BICDL1: variants seen among roughly 807,000 people sequenced by gnomAD.
The protein encoded by BICDL1 is BICD family-like cargo adapter 1.
In BICDL1, 20 loss-of-function variants were observed where a neutral mutation model predicts 76.8. The observed-to-expected ratio is 0.26, with a 90% CI of 0.18 to 0.38. BICDL1 has a LOEUF of 0.38. Ranked by LOEUF, BICDL1 falls within the 10% of genes least tolerant of loss-of-function variation. The probability of loss-of-function intolerance (pLI) is 1.00; values close to 1 mark genes in which losing one functional copy is unlikely to be tolerated. For missense variants in BICDL1, 700 were observed against 798.6 expected (o/e 0.88, Z 1.49); for synonymous variants, 383 against 337.1 (o/e 1.14, Z -1.49).
chr12:120,077,730 T>G (rs1357562665), intron 7 of BICDL1, among the ~76,000 whole-genome samples: 1 of 152,152 alleles, frequency 6.6e-6, no homozygotes, highest in Non-Finnish European at 1.5e-5. Flanking sequence ...CTGCCCTATT[T>G]CAAGACCTGC....
chr12:120,072,868 G>A (rs1309723608), intron 6 of BICDL1, 139 bp downstream of exon 6: 3 of 771,720 alleles, frequency 3.9e-6, no homozygotes, highest in South Asian at 1.8e-5. Context: ...GCCCTTATTG[G>A]TTGTTTTGGA....
intron 9 of BICDL1, chr12:120,091,556 T>C: frequency 1.0e-6 from 1 of 984,824 alleles, no homozygotes; most frequent in Non-Finnish European, 1.2e-6. Flanking sequence ...CAGTGCCAGC[T>C]CTGAGGGGCA....
intron 7 of BICDL1, among the ~76,000 whole-genome samples, chr12:120,077,477 A>G (rs1873641765): frequency 7.1e-6 from 1 of 140,166 alleles, no homozygotes; most frequent in Non-Finnish European, 1.6e-5. Context: ...TGAACACGTT[A>G]TCGGTGAGGC....
chr12:120,064,503 C>T, intron 3 of BICDL1: 1 of 287,778 alleles, frequency 3.5e-6, no homozygotes, highest in South Asian at 1.0e-4. Flanking sequence ...ATCCCACATT[C>T]CAGCTTCCCC....
chr12:120,000,565 A>G (rs1951738952), intron 2 of BICDL1: 1 of 152,362 alleles, frequency 6.6e-6, no homozygotes, highest in African/African-American at 2.4e-5. Flanking sequence ...GACTTATAGA[A>G]TGAATGCAAC....
intron 2 of BICDL1, among the ~76,000 whole-genome samples, chr12:120,058,323 T>C (rs1478648683): frequency 6.6e-6 from 1 of 152,158 alleles, no homozygotes; most frequent in Admixed American, 6.5e-5. Flanking sequence ...TCTAAGAAGA[T>C]CGCTTTGAGA....
At position 120,071,722 on chromosome 12, in the gene BICDL1, C is replaced by T; in HGVS notation, c.1010C>T (p.Ser337Phe). The change falls in exon 5 of 10, where the codon TCT becomes TTT. Residue 337 changes from serine (S) to phenylalanine (F), a missense_variant. Around this residue, in one of 3 missense-constraint regions of BICDL1, gnomAD observed 455 missense variants for 548.7 expected, o/e 0.83. Transcript: ENST00000548673. The surrounding 1 kb of genome is among the most constrained non-coding windows in gnomAD (Gnocchi z 4.8). ...ACTGAGGAGAGGAGTCTGCAGAGCTCTGCCGCCACCAGCACATCCCTCCTG... is the reference window on the plus strand; with the variant it reads ...ACTGAGGAGAGGAGTCTGCAGAGCTTTGCCGCCACCAGCACATCCCTCCTG... ...ELTEERSLQSSAATSTSLLSE... is the reference protein window; with the variant it reads ...ELTEERSLQSFAATSTSLLSE... 6.2e-7 allele frequency: 1 copy of T among 1,612,458 alleles called. No individual in the cohort carries two copies. The highest frequency in any genetic ancestry group is 8.5e-7 in the Non-Finnish European group (1 of 1,179,886).
chr12:120,006,017 A>G (rs886149442), intron 2 of BICDL1, among the ~76,000 whole-genome samples: 8 of 152,206 alleles, frequency 5.3e-5, no homozygotes, highest in African/African-American at 1.2e-4. Flanking sequence ...TTAATAGTCT[A>G]TACTCTCCTC....
intron 7 of BICDL1, among the ~76,000 whole-genome samples, chr12:120,078,998 G>C (rs1344924630): frequency 6.6e-6 from 1 of 152,214 alleles, no homozygotes; most frequent in Non-Finnish European, 1.5e-5. Context: ...CTCTGCCCTG[G>C]TGCCTTGTCT....
intron 4 of BICDL1, among the ~76,000 whole-genome samples, chr12:120,070,949 C>T (rs754297113): frequency 1.3e-5 from 2 of 151,846 alleles, no homozygotes; most frequent in Non-Finnish European, 2.9e-5. Flanking sequence ...AGGCTGGTCT[C>T]GAACTCCTGA....
intron 2 of BICDL1, among the ~76,000 whole-genome samples, chr12:120,041,636 G>T (rs1457143423): frequency 6.6e-6 from 1 of 152,166 alleles, no homozygotes; most frequent in African/African-American, 2.4e-5. Context: ...GCACAGGTAG[G>T]GTTAGGGTGA....
chr12:120,033,524 C>G (rs75239820), intron 2 of BICDL1, among the ~76,000 whole-genome samples: 2,037 of 151,544 alleles, frequency 0.013, 44 homozygotes, highest in East Asian at 0.044. Flanking sequence ...CTACAGGCGC[C>G]CGCCTCCACG....
intron 1 of BICDL1, among the ~76,000 whole-genome samples, chr12:119,990,857 C>T (rs1288182713): frequency 2.0e-5 from 3 of 152,200 alleles, no homozygotes; most frequent in Non-Finnish European, 4.4e-5. Context: ...CGAGCCAGGG[C>T]TCAACATGTG....
chr12:120,069,501 C>T (rs909597227), intron 4 of BICDL1, among the ~76,000 whole-genome samples: 5 of 152,180 alleles, frequency 3.3e-5, no homozygotes, highest in Non-Finnish European at 7.4e-5. Flanking sequence ...GAGTCCAGTT[C>T]TGCTTCACAA....
At chr12:119,997,622 T>C (rs1951677234) in intron 1 of BICDL1, among the ~76,000 whole-genome samples, 1 of 152,190 alleles carries the variant, frequency 6.6e-6, no homozygotes, top group Non-Finnish European at 1.5e-5. Context: ...TCAACTGACT[T>C]AGACAGTCCC....
intron 9 of BICDL1, chr12:120,092,088 G>A (rs1252434463): frequency 2.0e-6 from 2 of 985,328 alleles, no homozygotes; most frequent in East Asian, 1.1e-4. Flanking sequence ...TAATTACACA[G>A]GCTGCTCATA....
intron 2 of BICDL1, among the ~76,000 whole-genome samples, chr12:120,045,917 T>TAATAATA: frequency 7.3e-6 from 1 of 137,700 alleles, no homozygotes; most frequent in African/African-American, 2.7e-5. Flanking sequence ...CTTAAAGTAT[T>TAATAATA]ATAATAATAA....
intron 3 of BICDL1, 70 bp from the exon 4 acceptor site, chr12:120,064,663 T>C (rs1372732944): frequency 2.7e-6 from 4 of 1,476,202 alleles, no homozygotes; most frequent in Non-Finnish European, 3.6e-6. Flanking sequence ...GTTTTGGGGC[T>C]AGTCCCTAGT....
chr12:120,010,941 A>G (rs770650560), intron 2 of BICDL1, among the ~76,000 whole-genome samples: 4 of 152,210 alleles, frequency 2.6e-5, no homozygotes, highest in Admixed American at 6.5e-5. Flanking sequence ...ATTAAGAAAA[A>G]AAGGGGTGGT....
Sources: allele counts gnomAD v4.1 joint callset (sites outside exome capture counted in the v4.1 genomes callset), GRCh38; gene constraint gnomAD v4.1.1; regional missense constraint gnomAD v4.1.1; non-coding constraint Gnocchi (gnomAD v3.1); transcripts MANE v1.5; gene names NCBI Gene and HGNC (gene_info 2026-07-23, HGNC 2026-07-21).